The following FAT4 variants were observed in gnomAD, a reference collection of about 807,000 sequenced individuals.
FAT4 encodes FAT atypical cadherin 4.
Under a neutral mutation model 303.9 loss-of-function variants are expected in FAT4, and 84 were observed. The observed-to-expected ratio is 0.28, with a 90% CI of 0.23 to 0.33. The LOEUF is 0.33. Among genes scored for constraint, FAT4 ranks in the 10% least tolerant of loss-of-function variants. The probability of loss-of-function intolerance (pLI) is 1.00; values close to 1 mark genes in which losing one functional copy is unlikely to be tolerated. For missense variants in FAT4, 6,005 were observed against 6,146.8 expected (o/e 0.98, Z 0.77); for synonymous variants, 2,307 against 2,298.8 (o/e 1.00, Z -0.10).
chr4:125,401,106 G>T (rs1260084072), intron 3 of FAT4, among the ~76,000 whole-genome samples: 1 of 151,944 alleles, frequency 6.6e-6, no homozygotes, highest in Non-Finnish European at 1.5e-5. Flanking sequence ...TACAACCATT[G>T]TTTTTTAAAG....
At position 125,452,300 on chromosome 4, in the gene FAT4, C is replaced by A. The variant is rs1726116554; in HGVS notation, c.11290C>A (p.Leu3764Ile). The part of the protein sequence containing the change: ...SAYEENNRTF[L>I]LAAVKRNHNQ... ...ATATGAAGAGAACAATAGAACGTTT[C>A]TTTTGGCAGCTGTGAAGCGAAATCA... The change falls in exon 10 of 18, where the codon CTT (leucine) becomes ATT (isoleucine). Residue 3764 changes from leucine (L) to isoleucine (I), a missense_variant. Physicochemically the swap from Leu to Ile is conservative, Grantham distance 5. Transcript: ENST00000394329. 7.4e-6 allele frequency: 12 copies of A among 1,614,222 alleles called. No individual in the cohort carries two copies. The highest frequency in any genetic ancestry group is 8.5e-6 in the Non-Finnish European group (10 of 1,180,040).
chr4:125,465,039 T>C (rs1294791476), intron 11 of FAT4, among the ~76,000 whole-genome samples: 3 of 152,166 alleles, frequency 2.0e-5, no homozygotes, highest in Non-Finnish European at 4.4e-5. Flanking sequence ...AGCACATCCA[T>C]AGAATGATAA....
chr4:125,422,823 G>T (rs2136345), intron 7 of FAT4, among the ~76,000 whole-genome samples: 6 of 151,942 alleles, frequency 3.9e-5, no homozygotes, highest in Non-Finnish European at 5.9e-5. Flanking sequence ...GAAAAATGTT[G>T]GAAAGTTTGG....
At chr4:125,475,096 T>C (rs1726982536) in intron 12 of FAT4, among the ~76,000 whole-genome samples, 1 of 152,088 alleles carries the variant, frequency 6.6e-6, no homozygotes, top group African/African-American at 2.4e-5. Context: ...GGAGAAACCT[T>C]TCAACCTCTT....
intron 2 of FAT4, among the ~76,000 whole-genome samples, chr4:125,363,716 G>T (rs1471672511): frequency 6.6e-6 from 1 of 151,910 alleles, no homozygotes; most frequent in Non-Finnish European, 1.5e-5. Context: ...GGATGGGCTC[G>T]ATCTCCTGAC....
Position 125,451,075 on chromosome 4 carries a change from A to G in FAT4, c.10065A>G (p.Gly3355=). 2 of 1,614,128 alleles carry G rather than the reference A, an allele frequency of 1.2e-6. No homozygotes were observed. The highest frequency in any genetic ancestry group is 2.2e-5 in the South Asian group (2 of 91,074). ...GTTTCCAGATCAATAAGAAGACTGG[A>G]CAGATTTATGTTTCTGGAATTCTTG... ...KKGFQINKKT[G]QIYVSGILDR... is the part of the protein sequence containing the mutation. The change falls in exon 10 of 18, where the codon GGA becomes GGG. Residue 3355 remains glycine, a synonymous_variant. Transcript: ENST00000394329.
intron 4 of FAT4, among the ~76,000 whole-genome samples, 190 bp from the exon 5 acceptor site, chr4:125,408,254 A>G (rs897000044): frequency 6.6e-6 from 1 of 152,160 alleles, no homozygotes; most frequent in Admixed American, 6.5e-5. Context: ...CTGATATGTC[A>G]CATACTGTAT....
intron 16 of FAT4, among the ~76,000 whole-genome samples, chr4:125,484,995 G>A (rs1173607577): frequency 6.6e-6 from 1 of 151,944 alleles, no homozygotes; most frequent in Non-Finnish European, 1.5e-5. Context: ...TGGGACTACA[G>A]GTGTGCGTAA....
intron 2 of FAT4, among the ~76,000 whole-genome samples, chr4:125,365,355 G>T (rs907722445): frequency 2.0e-5 from 3 of 152,254 alleles, no homozygotes; most frequent in East Asian, 3.9e-4. Flanking sequence ...TGGATATGTT[G>T]TCCAAAAGAA....
chr4:125,467,344 C>T (rs1167864046), intron 11 of FAT4, among the ~76,000 whole-genome samples: 1 of 152,140 alleles, frequency 6.6e-6, no homozygotes, highest in Non-Finnish European at 1.5e-5. Flanking sequence ...CTGAACAATT[C>T]TCTCACTCTA....
In FAT4 at chr4:125,468,784, C is replaced by T. The variant is rs765205932; in HGVS notation, c.12178C>T (p.His4060Tyr). 6.2e-7 allele frequency: 1 copy of T among 1,612,662 alleles called. No individual in the cohort carries two copies. Among genetic ancestry groups the T allele is most frequent in the Non-Finnish European group, 8.5e-7 (1 of 1,178,898 alleles). The change falls in exon 12 of 18, where the codon CAT (histidine) becomes TAT (tyrosine). Residue 4060 changes from histidine (H) to tyrosine (Y), a missense_variant. Physicochemically the swap from His to Tyr is moderately conservative, Grantham distance 83. Coordinates refer to ENST00000394329, the MANE Select transcript of FAT4 (RefSeq NM_001291303.3). Reference protein sequence around the residue: ...LTTMKKVSDGHFHTVIARRAG... With the variant: ...LTTMKKVSDGYFHTVIARRAG... ...CACCATGAAGAAGGTGTCAGATGGA[C>T]ATTTTCACACTGTGATTGCCAGGAG...
At chr4:125,333,699 G>A (rs1444856264) in intron 2 of FAT4, among the ~76,000 whole-genome samples, 1 of 152,100 alleles carries the variant, frequency 6.6e-6, no homozygotes, top group African/African-American at 2.4e-5. Flanking sequence ...TGATTAAAAT[G>A]CTTAGCACCA....
At chr4:125,436,665 G>A (rs1340367012) in intron 8 of FAT4, among the ~76,000 whole-genome samples, 1 of 152,122 alleles carries the variant, frequency 6.6e-6, no homozygotes. Context: ...CGAAGGTGAG[G>A]AAGAGCAAAA....
chr4:125,352,019 A>T (rs1732244119), intron 2 of FAT4, among the ~76,000 whole-genome samples: 1 of 151,696 alleles, frequency 6.6e-6, no homozygotes, highest in South Asian at 2.1e-4. Context: ...AACAGTAGAT[A>T]TATTATGCCC....
At position 125,491,108 on chromosome 4, in the gene FAT4, T is replaced by C; in HGVS notation, c.14292T>C (p.His4764=). 1 of 1,614,162 alleles carries C rather than the reference T, an allele frequency of 6.2e-7. No individual in the cohort carries two copies. The stretch of plus-strand genomic sequence containing the variant: ...AGAGTCCTCAGGCCATGGCATCACA[T>C]GGTTCTAGACCAGGGAGTCGCCTAA... ...RSKSPQAMAS[H]GSRPGSRLKQ... Residue 4764 remains histidine (H), a synonymous_variant, in exon 18 of 18, where the codon CAT becomes CAC. Coordinates refer to ENST00000394329, the MANE Select transcript of FAT4 (RefSeq NM_001291303.3).
chr4:125,335,404 C>T (rs1004494386), intron 2 of FAT4, among the ~76,000 whole-genome samples: 11 of 151,846 alleles, frequency 7.2e-5, no homozygotes, highest in South Asian at 2.1e-4. Context: ...GTGATTTTCT[C>T]GGAGTGCTGT....
intron 2 of FAT4, among the ~76,000 whole-genome samples, chr4:125,326,169 A>G (rs1731149915): frequency 6.6e-6 from 1 of 152,138 alleles, no homozygotes; most frequent in South Asian, 2.1e-4. Context: ...AGTTTTAGCA[A>G]TCTGATAATA....
intron 7 of FAT4, among the ~76,000 whole-genome samples, chr4:125,420,498 T>C (rs556984223): frequency 1.3e-5 from 2 of 152,354 alleles, no homozygotes; most frequent in Admixed American, 1.3e-4. Context: ...ATATTCATTG[T>C]TTGCAGATTT....
Position 125,431,942 on chromosome 4 carries a change from C to A in FAT4, c.7019-2303C>A, listed in dbSNP as rs1390891036. 2.0e-5 allele frequency among the ~76,000 whole-genome samples: 3 copies of A among 152,118 alleles called. 1 individual carries two copies. The highest frequency in any genetic ancestry group is 2.0e-4 in the Admixed American group (3 of 15,278). On this transcript the variant is annotated intron_variant, in intron 7 of 17. Transcript: ENST00000394329. The stretch of plus-strand genomic sequence containing the variant: ...TCATAAAATTGTATATAGTGAAACA[C>A]ACATTCAAGAAATTTAAGCCAAACA...
Sources: gnomAD v4.1 joint callset for allele counts (sites outside exome capture counted in the v4.1 genomes callset) on GRCh38, gnomAD v4.1.1 for gene constraint, MANE v1.5 for transcripts, NCBI Gene and HGNC (gene_info 2026-07-23, HGNC 2026-07-21) for gene names.